MAPK8IP3: variants seen among roughly 807,000 people sequenced by gnomAD.
MAPK8IP3 encodes C-Jun-amino-terminal kinase-interacting protein 3.
Under a neutral mutation model 157.8 loss-of-function variants are expected in MAPK8IP3, and 49 were observed. The observed-to-expected ratio is 0.31, with a 90% CI of 0.25 to 0.39. The LOEUF is 0.39. MAPK8IP3 is among the 10% of genes least tolerant of loss of function. The probability of loss-of-function intolerance (pLI) is 1.00; values close to 1 mark genes in which losing one functional copy is unlikely to be tolerated. For synonymous variants in MAPK8IP3, 897 were observed against 777.7 expected (o/e 1.15, Z -2.55); for missense variants, 1,478 against 1,889.4 (o/e 0.78, Z 4.04).
At chr16:1,715,568 T>C (rs1261257253) in intron 1 of MAPK8IP3, among the ~76,000 whole-genome samples, 1 of 152,158 alleles carries the variant, frequency 6.6e-6, no homozygotes, top group Non-Finnish European at 1.5e-5. Context: ...CTTTGGAAAT[T>C]CATACTACAC....
At position 1,706,476 on chromosome 16, in the gene MAPK8IP3, G is replaced by C. The variant is rs1472318340; in HGVS notation, c.137G>C (p.Cys46Ser). 1 of 1,613,980 alleles carries C rather than the reference G, an allele frequency of 6.2e-7. No homozygotes were observed. The highest frequency in any genetic ancestry group is 8.5e-7 in the Non-Finnish European group (1 of 1,180,008). ...IYREFERLIH[C>S]YDEEVVKELM... ...CGCGAGTTCGAGCGCCTCATCCACT[G>C]CTACGACGAGGAGGTGGTCAAGGAG... The change falls in exon 1 of 32, where the codon TGC becomes TCC. Residue 46 changes from cysteine to serine, a missense_variant. By Grantham distance (112) the Cys-to-Ser change is moderately radical. Around this residue, in one of 11 missense-constraint regions of MAPK8IP3, gnomAD observed 65 missense variants for 161.8 expected, o/e 0.40. Transcript: ENST00000610761. The surrounding 1 kb of genome is among the most constrained non-coding windows in gnomAD (Gnocchi z 5.1).
rs2037412177 is a variant in MAPK8IP3, at chr16:1,706,744, A to AGACCCCGCTCCGGCACCCCG, written c.318+92_318+111dup. 8.0e-7 allele frequency: 1 copy of AGACCCCGCTCCGGCACCCCG among 1,246,060 alleles called. No homozygotes were observed. Among genetic ancestry groups the AGACCCCGCTCCGGCACCCCG allele is most frequent in the Non-Finnish European group, 1.0e-6 (1 of 987,500 alleles). 77.2% of individuals were successfully genotyped at this position (1,246,060 alleles called of 1,614,324 possible). On this transcript the variant is annotated intron_variant, in intron 1 of 31. Coordinates refer to ENST00000610761, the MANE Select transcript of MAPK8IP3 (RefSeq NM_001318852.2). The surrounding 1 kb of genome is among the most constrained non-coding windows in gnomAD (Gnocchi z 5.1). Reference sequence around the variant, plus strand: ...CGGACCCAACACCCGTCCCGACCCCAGACCCCGCTCCGGCACCCCGGACCG... The same window carrying AGACCCCGCTCCGGCACCCCG: ...CGGACCCAACACCCGTCCCGACCCCAGACCCCGCTCCGGCACCCCGGACCCCGCTCCGGCACCCCGGACCG...
intron 4 of MAPK8IP3, among the ~76,000 whole-genome samples, chr16:1,739,888 G>A (rs374483342): frequency 5.0e-4 from 63 of 126,574 alleles, no homozygotes; most frequent in African/African-American, 1.8e-3. Flanking sequence ...CCGTGTGACC[G>A]TCCGTGTGAG....
At chr16:1,758,326 G>T (rs900195369) in intron 9 of MAPK8IP3, among the ~76,000 whole-genome samples, 167 bp downstream of exon 9, 3 of 152,180 alleles carry the variant, frequency 2.0e-5, no homozygotes, top group African/African-American at 4.8e-5. Flanking sequence ...AGCTTGTTCG[G>T]TTTGCTCCAC....
rs902151731 is a variant in MAPK8IP3 at position 1,743,551 on chromosome 16, C to T, written c.747+75C>T. 2.6e-5 allele frequency: 40 copies of T among 1,547,264 alleles called. No individual in the cohort carries two copies. Among genetic ancestry groups the T allele is most frequent in the East Asian group, 5.0e-5 (2 of 39,858 alleles). ...TCCCCGTTCACTGGGGCGGGAGCCT[C>T]GTCTGCAGGCAGCCCTTCACGGCTC... is the stretch of plus-strand genomic sequence containing the variant. On this transcript the variant is annotated intron_variant, in intron 5 of 31. Transcript: ENST00000610761. The surrounding 1 kb of genome is among the most constrained non-coding windows in gnomAD (Gnocchi z 5.6).
chr16:1,712,050 T>G (rs1567133906), intron 1 of MAPK8IP3, among the ~76,000 whole-genome samples: 1 of 113,398 alleles, frequency 8.8e-6, no homozygotes, highest in Non-Finnish European at 1.9e-5. Flanking sequence ...CCTCAGGAGT[T>G]CTTTTTTTTT....
rs757459221 is a variant in MAPK8IP3, at chr16:1,767,794, C to G, written c.3410-11C>G. 1 of 1,611,376 alleles carries G rather than the reference C, an allele frequency of 6.2e-7. No individual in the cohort carries two copies. Among genetic ancestry groups the G allele is most frequent in the Non-Finnish European group, 8.5e-7 (1 of 1,179,836 alleles). On this transcript the variant is annotated splice_polypyrimidine_tract_variant and intron_variant, in intron 27 of 31. Coordinates refer to ENST00000610761, the MANE Select transcript of MAPK8IP3 (RefSeq NM_001318852.2). ...CTCAAGGCCAGCCACCCTGACCGCT[C>G]TCCCCCACAGGCACTGGCAAGCTGG...
rs1004420557 is a variant in MAPK8IP3 at position 1,718,513 on chromosome 16, G to T, written c.319-6044G>T. ...ATCTTTAAATAAAAATATTTTCTAG[G>T]CCGGGTACGGTGGCTCTCGCCTGTA... is the stretch of plus-strand genomic sequence containing the variant. On this transcript the variant is annotated intron_variant, in intron 1 of 31. Coordinates refer to ENST00000610761, the MANE Select transcript of MAPK8IP3 (RefSeq NM_001318852.2). 3.9e-5 allele frequency among the ~76,000 whole-genome samples: 6 copies of T among 151,988 alleles called. No individual in the cohort carries two copies. The East Asian group carries it at 1.2e-3, about 30-fold the overall frequency.
At chr16:1,739,714 G>A (rs1466664490) in intron 4 of MAPK8IP3, among the ~76,000 whole-genome samples, 2 of 138,108 alleles carry the variant, frequency 1.4e-5, no homozygotes, top group East Asian at 2.3e-4. Flanking sequence ...GACCGTCCGT[G>A]TGAGCATCTG....
chr16:1,739,901 TCC>T (rs2040532445), intron 4 of MAPK8IP3, among the ~76,000 whole-genome samples: 1 of 114,424 alleles, frequency 8.7e-6, no homozygotes, highest in South Asian at 3.8e-4. Flanking sequence ...CGTGTGAGCA[TCC>T]CTGTGACCGT....
intron 4 of MAPK8IP3, among the ~76,000 whole-genome samples, chr16:1,730,982 A>C (rs1041711449): frequency 5.9e-5 from 9 of 151,908 alleles, no homozygotes; most frequent in African/African-American, 2.2e-4. Flanking sequence ...TCTACTAAAA[A>C]TACAAAAATT....
intron 4 of MAPK8IP3, among the ~76,000 whole-genome samples, chr16:1,736,376 GCATC>G (rs2039824673): frequency 1.1e-5 from 1 of 92,418 alleles, no homozygotes; most frequent in Admixed American, 1.6e-4. Context: ...GTCCGTGTGA[GCATC>G]CGTGTGAGCG....
chr16:1,761,262 A>G lies in MAPK8IP3; in HGVS notation c.1496A>G (p.Lys499Arg). The stretch of plus-strand genomic sequence containing the variant: ...GCCATCATCGCCCGCCGTGAACCCA[A>G]AGAAGAGGCGGAGGATGTAAGCAGC... ...SEAIIARREP[K>R]EEAEDVSSYL... Residue 499 changes from lysine (K) to arginine (R), a missense_variant, in exon 13 of 32, where the codon AAA becomes AGA. This residue lies in a region of MAPK8IP3 where 96 missense variants were observed against 106.3 expected (regional missense o/e 0.90). Coordinates refer to ENST00000610761, the MANE Select transcript of MAPK8IP3 (RefSeq NM_001318852.2). The G allele has an allele frequency of 6.2e-7, 1 of 1,613,780 alleles. No homozygotes were observed. Among genetic ancestry groups the G allele is most frequent in the African/African-American group, 1.3e-5 (1 of 75,048 alleles).
At chr16:1,709,533 C>T (rs949767126) in intron 1 of MAPK8IP3, among the ~76,000 whole-genome samples, 5 of 152,266 alleles carry the variant, frequency 3.3e-5, no homozygotes, top group South Asian at 2.1e-4. Context: ...CCGCCGTGGA[C>T]GGCAGGCACC....
In MAPK8IP3 at chr16:1,766,801, G is replaced by C. The variant is rs1596809501; in HGVS notation, c.3018G>C (p.Leu1006=). ...AGCTGAAGGATTCTGTGCTGAGCCT[G>C]GTGTGGGTGACCCCAGACCGAGGGC... ...SIKLKDSVLS[L]VHVKGRVLVA... is the part of the protein sequence containing the mutation. The change falls in exon 24 of 32, where the codon CTG becomes CTC. Residue 1006 remains leucine, a splice_region_variant and synonymous_variant. Coordinates refer to ENST00000610761, the MANE Select transcript of MAPK8IP3 (RefSeq NM_001318852.2). The C allele has an allele frequency of 6.2e-7, 1 of 1,612,696 alleles. No individual in the cohort carries two copies. The highest frequency in any genetic ancestry group is 1.1e-5 in the South Asian group (1 of 91,086).
Position 1,768,323 on chromosome 16 carries a change from C to G in MAPK8IP3, c.3687C>G (p.Ala1229=), listed in dbSNP as rs199859588. 24 of 1,608,546 alleles carry G rather than the reference C, an allele frequency of 1.5e-5. No homozygotes were observed. In the Admixed American group the frequency reaches 2.0e-4, roughly 13 times the overall value. The change falls in exon 30 of 32, where the codon GCC becomes GCG. Residue 1229 remains alanine (A), a synonymous_variant. Coordinates refer to ENST00000610761, the MANE Select transcript of MAPK8IP3 (RefSeq NM_001318852.2). ...TCCCCTACTGCTCCATGGCCCAGGC[C>G]CAGCTATGCTTCCATGGGCACCGCG... The part of the protein sequence containing the change: ...SFIPYCSMAQ[A]QLCFHGHRDA...
rs2042272897 is a variant in MAPK8IP3, at chr16:1,766,554, A to G, written c.2845A>G (p.Ser949Gly). 6.2e-7 allele frequency: 1 copy of G among 1,612,204 alleles called. No homozygotes were observed. The change falls in exon 23 of 32, where the codon AGC (serine) becomes GGC (glycine). Residue 949 changes from serine (S) to glycine (G), a missense_variant. Ser to Gly is a moderately conservative substitution (Grantham distance 56). Around this residue, in one of 11 missense-constraint regions of MAPK8IP3, gnomAD observed 669 missense variants for 759.8 expected, o/e 0.88. Transcript: ENST00000610761. ...CGAGAACGGGCCAGAGCCTGACAGC[A>G]GCAGCACACGGCCAGAGCCAGAGCC... ...GSENGPEPDS[S>G]STRPEPEPSG...
intron 19 of MAPK8IP3, among the ~76,000 whole-genome samples, chr16:1,764,796 C>G (rs1424610890): frequency 6.6e-6 from 1 of 152,162 alleles, no homozygotes; most frequent in African/African-American, 2.4e-5. Flanking sequence ...CCTCTTGGAG[C>G]TCAGGGGCCT....
intron 5 of MAPK8IP3, chr16:1,745,133 G>A: frequency 1.0e-6 from 1 of 985,472 alleles, no homozygotes; most frequent in Non-Finnish European, 1.2e-6. Flanking sequence ...AGTGTCCCAT[G>A]GGTAAGTGGT....
Sources: gnomAD v4.1 joint callset for allele counts (sites outside exome capture counted in the v4.1 genomes callset) on GRCh38, gnomAD v4.1.1 for gene constraint, gnomAD v4.1.1 regional missense constraint, Gnocchi (gnomAD v3.1) non-coding constraint, MANE v1.5 for transcripts, NCBI Gene and HGNC (gene_info 2026-07-23, HGNC 2026-07-21) for gene names.